RIMS2: variants seen among roughly 807,000 people sequenced by gnomAD.
RIMS2 encodes regulating synaptic membrane exocytosis 2, also known as regulating synaptic membrane exocytosis protein 2.
A neutral mutation model predicts 174.4 loss-of-function variants in RIMS2; 59 were observed. The ratio of observed to expected loss-of-function variants is 0.34; its 90% CI spans 0.27 to 0.42. The LOEUF is 0.42. Among genes scored for constraint, RIMS2 ranks in the 10% least tolerant of loss-of-function variants. RIMS2 has a pLI of 1.00. For missense variants in RIMS2, 1,620 were observed against 1,666.3 expected, an observed-to-expected ratio of 0.97 and a Z score of 0.48; for synonymous variants, 606 against 572.5, an observed-to-expected ratio of 1.06 and a Z score of -0.84.
At chr8:103,983,807 A>G (rs1204071523) in intron 16 of RIMS2, among the ~76,000 whole-genome samples, 2 of 152,180 alleles carry the variant, frequency 1.3e-5, no homozygotes. Flanking sequence ...ACAAGAAAAC[A>G]TTCAAGAAAC....
At position 103,842,927 on chromosome 8, in the gene RIMS2, T is replaced by G. The variant is rs138449793; in HGVS notation, c.699-42371T>G. Among the ~76,000 whole-genome samples, 36 of 152,336 alleles carry G rather than the reference T, an allele frequency of 2.4e-4. No homozygotes were observed. In the East Asian group the frequency reaches 6.7e-3, roughly 29 times the overall value. On this transcript the variant is annotated intron_variant, in intron 3 of 23. Coordinates refer to ENST00000504942, the Ensembl canonical transcript of RIMS2. The stretch of plus-strand genomic sequence containing the variant: ...CCTAGCTCCTTGGCTTGCAGATAGC[T>G]GCCTTCTCGCTGTGTCTTCACTGAT...
chr8:104,233,448 A>G (rs1252830579), intron 19 of RIMS2, among the ~76,000 whole-genome samples: 2 of 152,216 alleles, frequency 1.3e-5, no homozygotes, highest in African/African-American at 4.8e-5. Flanking sequence ...GAGAATAGGA[A>G]ACACAAAACA....
At chr8:103,845,049 CAA>C (rs985933941) in intron 3 of RIMS2, among the ~76,000 whole-genome samples, 1 of 151,916 alleles carries the variant, frequency 6.6e-6, no homozygotes, top group Non-Finnish European at 1.5e-5. Context: ...ATATTTCTGT[CAA>C]GTCTTTGTTT....
intron 1 of RIMS2, among the ~76,000 whole-genome samples, chr8:103,545,995 T>C (rs1176766607): frequency 6.6e-6 from 1 of 152,048 alleles, no homozygotes; most frequent in Non-Finnish European, 1.5e-5. Context: ...AATAACCAGC[T>C]CACTACACAT....
At chr8:103,500,722 C>A, upstream of RIMS2, 1 of 538,620 alleles carries the variant, frequency 1.9e-6, no homozygotes, top group Non-Finnish European at 3.3e-6. Context: ...GCCCTCCCCT[C>A]CCCCTGCTTT....
chr8:103,706,248 A>G (rs2097223389), intron 2 of RIMS2, among the ~76,000 whole-genome samples: 1 of 152,020 alleles, frequency 6.6e-6, no homozygotes, highest in Non-Finnish European at 1.5e-5. Context: ...CTCACATTTT[A>G]TCTTTTAAAT....
chr8:104,203,685 G>C (rs1168765952), intron 19 of RIMS2, among the ~76,000 whole-genome samples: 1 of 151,730 alleles, frequency 6.6e-6, no homozygotes, highest in Non-Finnish European at 1.5e-5. Flanking sequence ...TGTAATTTTA[G>C]TATAGATGAG....
intron 14 of RIMS2, among the ~76,000 whole-genome samples, chr8:103,957,015 G>A (rs1401418492): frequency 6.6e-6 from 1 of 152,134 alleles, no homozygotes. Flanking sequence ...ATTATCACTG[G>A]TAATTAGGGA....
At chr8:104,058,874 T>G (rs377560858) in intron 19 of RIMS2, among the ~76,000 whole-genome samples, 2 of 152,122 alleles carry the variant, frequency 1.3e-5, no homozygotes, top group Non-Finnish European at 1.5e-5. Flanking sequence ...AGATCAGATA[T>G]TTGTAGATAT....
chr8:103,737,019 A>G (rs1045334374), intron 2 of RIMS2, among the ~76,000 whole-genome samples: 1 of 151,974 alleles, frequency 6.6e-6, no homozygotes, highest in Non-Finnish European at 1.5e-5. Flanking sequence ...GTGTACCAAT[A>G]TTTTCTAAAT....
intron 3 of RIMS2, among the ~76,000 whole-genome samples, chr8:103,845,696 G>A (rs941274671): frequency 6.6e-6 from 1 of 152,096 alleles, no homozygotes; most frequent in Non-Finnish European, 1.5e-5. Flanking sequence ...GGGCTTGAAA[G>A]TTCCCACACT....
intron 19 of RIMS2, among the ~76,000 whole-genome samples, chr8:104,232,313 T>C (rs1484080602): frequency 6.6e-6 from 1 of 152,242 alleles, no homozygotes; most frequent in Admixed American, 6.5e-5. Flanking sequence ...TTGAATGTTA[T>C]GCATTCTTTG....
chr8:103,630,036 G>A (rs2095874075), intron 1 of RIMS2, among the ~76,000 whole-genome samples: 1 of 151,776 alleles, frequency 6.6e-6, no homozygotes, highest in African/African-American at 2.4e-5. Context: ...ACAAATTGGG[G>A]GAAAGTCATA....
intron 1 of RIMS2, among the ~76,000 whole-genome samples, chr8:103,588,911 G>T (rs969455015): frequency 1.3e-5 from 2 of 151,722 alleles, no homozygotes; most frequent in African/African-American, 4.8e-5. Context: ...GAACTAATGG[G>T]ATCACATCAA....
chr8:104,210,987 C>G (rs1200418328), intron 19 of RIMS2, among the ~76,000 whole-genome samples: 1 of 152,154 alleles, frequency 6.6e-6, no homozygotes, highest in African/African-American at 2.4e-5. Flanking sequence ...AGAAATCTTT[C>G]CTCTTCATGT....
chr8:104,186,066 A>G (rs1239508102), intron 19 of RIMS2, among the ~76,000 whole-genome samples: 1 of 151,738 alleles, frequency 6.6e-6, no homozygotes, highest in Admixed American at 6.6e-5. Context: ...TAAAAAAAGA[A>G]TGAAATCAAT....
intron 1 of RIMS2, among the ~76,000 whole-genome samples, chr8:103,621,424 A>G (rs2095632978): frequency 6.6e-6 from 1 of 152,248 alleles, no homozygotes; most frequent in African/African-American, 2.4e-5. Context: ...AGGAGGAAGT[A>G]ACTTGTGGAA....
intron 2 of RIMS2, among the ~76,000 whole-genome samples, chr8:103,723,839 C>T (rs1235040269): frequency 1.3e-5 from 2 of 152,184 alleles, no homozygotes; most frequent in East Asian, 3.8e-4. Context: ...AGGACAGGAA[C>T]CTTGGTGTGT....
At chr8:103,949,877 T>C (rs1459797419) in intron 14 of RIMS2, among the ~76,000 whole-genome samples, 1 of 152,130 alleles carries the variant, frequency 6.6e-6, no homozygotes, top group Non-Finnish European at 1.5e-5. Flanking sequence ...ATATAATTGA[T>C]AAGCCTTTAG....
Sources: allele counts gnomAD v4.1 joint callset (sites outside exome capture counted in the v4.1 genomes callset), GRCh38; gene constraint gnomAD v4.1.1; transcripts MANE v1.5; gene names NCBI Gene and HGNC (gene_info 2026-07-23, HGNC 2026-07-21).